Variants in SRPK2 observed in about 807,000 individuals in gnomAD.
SRPK2 encodes SFRS protein kinase 2.
A neutral mutation model predicts 90.8 loss-of-function variants in SRPK2; 21 were observed. The observed-to-expected ratio is 0.23, with a 90% CI of 0.16 to 0.33. SRPK2 has a LOEUF of 0.33. Ranked by LOEUF, SRPK2 falls within the 10% of genes least tolerant of loss-of-function variation. The pLI, the probability that SRPK2 is intolerant of heterozygous loss-of-function variation, is 1.00. For synonymous variants in SRPK2, 288 were observed against 311.1 expected (o/e 0.93, Z 0.78); for missense variants, 620 against 869.0 (o/e 0.71, Z 3.60).
intron 15 of SRPK2, among the ~76,000 whole-genome samples, chr7:105,122,557 T>G: frequency 6.6e-6 from 1 of 152,212 alleles, no homozygotes; most frequent in East Asian, 1.9e-4. Context: ...ATCTGTTGCT[T>G]TTTAGGTATT....
chr7:105,184,004 GTC>G, intron 3 of SRPK2, among the ~76,000 whole-genome samples: 2 of 121,500 alleles, frequency 1.6e-5, no homozygotes, highest in Admixed American at 1.9e-4. Context: ...TTGAGATGGA[GTC>G]TCTCTGTTGT....
intron 2 of SRPK2, among the ~76,000 whole-genome samples, chr7:105,240,062 G>A (rs182358071): frequency 1.3e-5 from 2 of 152,174 alleles, no homozygotes; most frequent in African/African-American, 4.8e-5. Flanking sequence ...AAATACCACC[G>A]AGTGACTTAT....
chr7:105,306,467 T>C (rs1811152908), intron 2 of SRPK2: 2 of 447,368 alleles, frequency 4.5e-6, no homozygotes, highest in Non-Finnish European at 8.9e-6. Context: ...ATCTTCTTGG[T>C]CAATACTTGA....
intron 2 of SRPK2, among the ~76,000 whole-genome samples, chr7:105,327,046 G>C (rs1014766538): frequency 2.9e-5 from 4 of 138,262 alleles, no homozygotes; most frequent in African/African-American, 2.7e-5. Context: ...CAACCTGGGC[G>C]ACAAGAGCAA....
At chr7:105,127,594 C>CA (rs1230779089) in intron 13 of SRPK2, among the ~76,000 whole-genome samples, 6 of 152,282 alleles carry the variant, frequency 3.9e-5, no homozygotes, top group African/African-American at 1.4e-4. Flanking sequence ...AACCTGGAAA[C>CA]AAAAAAGACC....
intron 2 of SRPK2, among the ~76,000 whole-genome samples, chr7:105,210,915 AT>A (rs1292515059): frequency 6.6e-6 from 1 of 152,176 alleles, no homozygotes; most frequent in Non-Finnish European, 1.5e-5. Context: ...AGCTAGAAGA[AT>A]AGTAAGATAA....
At chr7:105,261,389 C>T (rs1336610654) in intron 2 of SRPK2, among the ~76,000 whole-genome samples, 4 of 151,908 alleles carry the variant, frequency 2.6e-5, no homozygotes, top group Non-Finnish European at 4.4e-5. Context: ...GGCATTGTGG[C>T]GGGCGCCTGT....
chr7:105,143,052 C>G, intron 10 of SRPK2, 32 bp downstream of exon 10: 1 of 1,603,752 alleles, frequency 6.2e-7, no homozygotes, highest in South Asian at 1.1e-5. Context: ...CTCTGAGAAC[C>G]CCATGCAGCC....
intron 6 of SRPK2, among the ~76,000 whole-genome samples, chr7:105,164,693 TA>T (rs1213458073): frequency 3.9e-5 from 6 of 152,220 alleles, no homozygotes; most frequent in African/African-American, 1.2e-4. Context: ...TTCCCTTGTA[TA>T]AAAACCTTCT....
chr7:105,223,021 G>A (rs1439656166), intron 2 of SRPK2, among the ~76,000 whole-genome samples: 1 of 152,068 alleles, frequency 6.6e-6, no homozygotes, highest in African/African-American at 2.4e-5. Context: ...TTCCTACTGA[G>A]ACAATTACTC....
intron 2 of SRPK2, chr7:105,268,761 G>A (rs747724973): frequency 6.5e-7 from 1 of 1,549,364 alleles, no homozygotes; most frequent in Admixed American, 1.7e-5. Context: ...TTGTTTCTTA[G>A]CAATGCTACA....
chr7:105,344,409 T>C (rs1816212049), intron 2 of SRPK2, among the ~76,000 whole-genome samples: 1 of 19,962 alleles, frequency 5.0e-5, no homozygotes. Context: ...AGCCACACCT[T>C]TTTTTTTTTT....
chr7:105,383,621 T>C (rs1439676547), intron 2 of SRPK2, among the ~76,000 whole-genome samples: 1 of 149,522 alleles, frequency 6.7e-6, no homozygotes. Flanking sequence ...GGTTTCACCC[T>C]ATTGGCCAGG....
intron 3 of SRPK2, among the ~76,000 whole-genome samples, chr7:105,184,773 C>A (rs922635009): frequency 2.0e-5 from 3 of 152,326 alleles, no homozygotes; most frequent in South Asian, 2.1e-4. Context: ...TCTGGCCTAA[C>A]ATTTTGCTGC....
At chr7:105,273,234 G>A (rs1397543070) in intron 2 of SRPK2, among the ~76,000 whole-genome samples, 3 of 151,078 alleles carry the variant, frequency 2.0e-5, no homozygotes, top group Admixed American at 6.6e-5. Flanking sequence ...AAAGAAAAAA[G>A]AATTATCTTT....
chr7:105,261,020 A>AT (rs1268430201), intron 2 of SRPK2, among the ~76,000 whole-genome samples: 4 of 116,628 alleles, frequency 3.4e-5, no homozygotes, highest in African/African-American at 1.0e-4. Context: ...TACCCTAGAA[A>AT]TTAAAAAAAA....
At chr7:105,145,376 G>A (rs1804450679) in intron 8 of SRPK2, 68 bp from the exon 9 acceptor site, 6 of 1,148,946 alleles carry the variant, frequency 5.2e-6, no homozygotes, top group South Asian at 1.5e-5. Context: ...TAGGTCATTC[G>A]AATTGCAAAG....
chr7:105,252,351 CA>C (rs746603119), intron 2 of SRPK2, among the ~76,000 whole-genome samples: 38 of 151,738 alleles, frequency 2.5e-4, no homozygotes, highest in Non-Finnish European at 2.9e-5. Flanking sequence ...AAACAAAGGG[CA>C]AAAGGAAGCA....
At chr7:105,209,495 A>G (rs1229662881) in intron 2 of SRPK2, among the ~76,000 whole-genome samples, 1 of 152,042 alleles carries the variant, frequency 6.6e-6, no homozygotes, top group African/African-American at 2.4e-5. Flanking sequence ...CTAAGATCAT[A>G]GCACTGCACT....
Sources: allele counts gnomAD v4.1 joint callset (sites outside exome capture counted in the v4.1 genomes callset), GRCh38; gene constraint gnomAD v4.1.1; transcripts MANE v1.5; gene names NCBI Gene and HGNC (gene_info 2026-07-23, HGNC 2026-07-21).